The following PNPLA4 variants were observed in gnomAD, a reference collection of about 807,000 sequenced individuals.
The protein encoded by PNPLA4 is patatin-like phospholipase domain-containing protein 4.
PNPLA4 carries 15 observed loss-of-function variants against 18.3 expected under a neutral mutation model. The ratio of observed to expected loss-of-function variants is 0.82; its 90% confidence interval spans 0.55 to 1.26. PNPLA4 has a LOEUF of 1.26. Among genes scored for constraint, PNPLA4 ranks in the 50% most tolerant of loss-of-function variants. The pLI is 0.00. For missense variants in PNPLA4, 229 were observed against 196.8 expected (o/e 1.16, Z -0.98); for synonymous variants, 88 against 85.6 (o/e 1.03, Z -0.16).
intron 4 of PNPLA4, among the ~76,000 whole-genome samples, chrX:7,916,739 T>C (rs761791004): frequency 9.0e-6 from 1 of 110,994 alleles, no homozygotes; most frequent in African/African-American, 3.3e-5. Flanking sequence ...AGCTTGGTGT[T>C]GATCTGCTGG....
intron 2 of PNPLA4, among the ~76,000 whole-genome samples, chrX:7,922,670 C>T (rs765557336): frequency 1.2e-4 from 13 of 112,382 alleles, no homozygotes; most frequent in Non-Finnish European, 2.3e-4. Context: ...CTTCACATCA[C>T]CCTGCAGGGT....
Position 7,919,959 on chromosome X carries a change from G to A in PNPLA4, c.411+1754C>T, listed in dbSNP as rs1924162653. On this transcript the variant is annotated intron_variant, in intron 4 of 6. Coordinates refer to ENST00000381042, the MANE Select transcript of PNPLA4 (RefSeq NM_004650.3). ...TATCCATTCGTTTCACGCATATTAC[G>A]GAGTGCCTACACAATGGCTGGCAGT... is the stretch of plus-strand genomic sequence containing the variant. Among the ~76,000 whole-genome samples, 3 of 111,684 alleles carry A rather than the reference G, an allele frequency of 2.7e-5. No homozygotes were observed. In the Admixed American group the frequency reaches 2.9e-4, roughly 11 times the overall value.
chrX:7,921,817 C>T lies in PNPLA4; in HGVS notation c.307G>A (p.Ala103Thr), dbSNP rs146508989. The change falls in exon 4 of 7, where the codon GCT becomes ACT. Residue 103 changes from alanine to threonine, a missense_variant. Transcript: ENST00000381042. ...SGMESILPPS[A>T]HELAQNRLHV... ...AGTCGGTTCTGGGCCAGCTCGTGAG[C>T]GCTGGGAGGAAGAATCGACTCCATC... is the stretch of plus-strand genomic sequence containing the variant. 3.2e-5 allele frequency: 38 copies of T among 1,205,322 alleles called. No individual in the cohort carries two copies. Among genetic ancestry groups the T allele is most frequent in the Admixed American group, 6.6e-5 (3 of 45,661 alleles).
chrX:7,921,653 T>C (rs762743649), intron 4 of PNPLA4, 60 bp downstream of exon 4: 17 of 1,020,431 alleles, frequency 1.7e-5, no homozygotes, highest in Non-Finnish European at 2.2e-5. Flanking sequence ...CATTACTTTA[T>C]ATGAAGTATT....
intron 5 of PNPLA4, among the ~76,000 whole-genome samples, chrX:7,905,704 G>A (rs747734421): frequency 9.8e-5 from 11 of 112,502 alleles, no homozygotes; most frequent in African/African-American, 3.5e-4. Flanking sequence ...GAAAGGTCAT[G>A]CTTGTATATT....
intron 2 of PNPLA4, among the ~76,000 whole-genome samples, chrX:7,923,164 C>T (rs1270484740): frequency 3.6e-5 from 4 of 112,033 alleles, no homozygotes; most frequent in African/African-American, 1.3e-4. Flanking sequence ...GACTAGGAGA[C>T]CTTCTATGTT....
At chrX:7,904,531 T>C (rs1400083786) in intron 5 of PNPLA4, among the ~76,000 whole-genome samples, 1 of 112,358 alleles carries the variant, frequency 8.9e-6, no homozygotes, top group African/African-American at 3.2e-5. Context: ...ATTTATGCTC[T>C]CACGAGCTGT....
At chrX:7,925,144 G>C (rs1924353017) in intron 2 of PNPLA4, among the ~76,000 whole-genome samples, 1 of 112,369 alleles carries the variant, frequency 8.9e-6, no homozygotes, top group South Asian at 3.7e-4. Flanking sequence ...GCTTCCCTTT[G>C]ATAAGCAGCT....
At chrX:7,912,878 G>GT (rs1279478001) in intron 4 of PNPLA4, among the ~76,000 whole-genome samples, 3 of 111,543 alleles carry the variant, frequency 2.7e-5, no homozygotes, top group Non-Finnish European at 5.7e-5. Flanking sequence ...GATTTCATGA[G>GT]TTTTTTTTCA....
chrX:7,901,044 T>A (rs1173105954), intron 6 of PNPLA4, among the ~76,000 whole-genome samples: 2 of 111,464 alleles, frequency 1.8e-5, no homozygotes, highest in South Asian at 3.8e-4. Context: ...TGTGGGACAG[T>A]CATGTGCACT....
chrX:7,926,340 T>TAAAAC (rs1402265833), intron 1 of PNPLA4, among the ~76,000 whole-genome samples: 1 of 112,220 alleles, frequency 8.9e-6, no homozygotes, highest in Non-Finnish European at 1.9e-5. Flanking sequence ...TCTTATACAT[T>TAAAAC]AAAACAAAAC....
At chrX:7,922,712 A>G (rs564552202) in intron 2 of PNPLA4, among the ~76,000 whole-genome samples, 2 of 112,434 alleles carry the variant, frequency 1.8e-5, no homozygotes, top group African/African-American at 6.5e-5. Context: ...CAGACAAGAA[A>G]ACGGAGGATT....
chrX:7,900,328 G>A lies in PNPLA4; in HGVS notation c.*358C>T. On this transcript the variant is annotated 3_prime_UTR_variant, in exon 7 of 7. Coordinates refer to ENST00000381042, the MANE Select transcript of PNPLA4 (RefSeq NM_004650.3). ...ACAGCTAAGTCACGGAAACACCCAT[G>A]CTTCACGTCAAGATCATGCCACATA... is the stretch of plus-strand genomic sequence containing the variant. 8.2e-6 allele frequency: 1 copy of A among 122,081 alleles called. No homozygotes were observed. The highest frequency in any genetic ancestry group is 1.7e-5 in the Non-Finnish European group (1 of 59,293). The allele number at this position is 122,081 out of a possible 1,213,427, so 10.1% of individuals were successfully genotyped here. A position where few individuals can be genotyped will look rare whatever the true frequency, so the allele number is the denominator to read the frequency against.
rs971177160 is a variant in PNPLA4, at chrX:7,900,489, T to C, written c.*197A>G. ...TCCTTATCACCTAAGTGTATCCTTC[T>C]TAATGACGTTGTCAAATTCTAATAA... On this transcript the variant is annotated 3_prime_UTR_variant, in exon 7 of 7. Coordinates refer to ENST00000381042, the MANE Select transcript of PNPLA4 (RefSeq NM_004650.3). The C allele has an allele frequency of 4.0e-5, 12 of 297,720 alleles. No homozygotes were observed. Among genetic ancestry groups the C allele is most frequent in the Non-Finnish European group, 5.9e-6 (1 of 168,686 alleles). 24.5% of individuals were successfully genotyped at this position (297,720 alleles called of 1,213,427 possible). A position where few individuals can be genotyped will look rare whatever the true frequency, so the allele number is the denominator to read the frequency against.
chrX:7,921,818 G>A lies in PNPLA4; in HGVS notation c.306C>T (p.Ser102=), dbSNP rs370067964. The A allele has an allele frequency of 2.2e-5, 26 of 1,206,975 alleles. No individual in the cohort carries two copies. Among genetic ancestry groups the A allele is most frequent in the Admixed American group, 1.8e-4 (8 of 45,704 alleles). Residue 102 remains serine, a synonymous_variant, in exon 4 of 7, where the codon AGC becomes AGT. Coordinates refer to ENST00000381042, the MANE Select transcript of PNPLA4 (RefSeq NM_004650.3). ...RSGMESILPP[S]AHELAQNRLH... ...GTCGGTTCTGGGCCAGCTCGTGAGC[G>A]CTGGGAGGAAGAATCGACTCCATCC...
At chrX:7,905,561 C>T (rs1306283264) in intron 5 of PNPLA4, among the ~76,000 whole-genome samples, 1 of 112,218 alleles carries the variant, frequency 8.9e-6, no homozygotes, top group Admixed American at 9.5e-5. Context: ...GCTCAAAAAA[C>T]AAGTGAATAA....
rs1924222120 is a variant in PNPLA4 at position 7,921,712 on chromosome X, C to T, written c.411+1G>A. On this transcript the variant is annotated splice_donor_variant, in intron 4 of 6. Transcript: ENST00000381042. LOFTEE classifies it high-confidence loss of function. ...TCAAATAGGAAACATGGCTTTGTTA[C>T]CTTAATGAGGTCCTCCCTGGAGGAA... The T allele has an allele frequency of 8.3e-7, 1 of 1,205,591 alleles. No homozygotes were observed. The highest frequency in any genetic ancestry group is 1.1e-6 in the Non-Finnish European group (1 of 891,732).
chrX:7,926,192 A>G lies in PNPLA4; in HGVS notation c.-13-60T>C. ...GAATAGTTTATCCCACATACTGTGT[A>G]GTCTTATGTTGATCATCGTTCCAAG... On this transcript the variant is annotated intron_variant, in intron 1 of 6. Coordinates refer to ENST00000381042, the MANE Select transcript of PNPLA4 (RefSeq NM_004650.3). 8 of 828,133 alleles carry G rather than the reference A, an allele frequency of 9.7e-6. No individual in the cohort carries two copies. The South Asian group carries it at 2.5e-4, about 25-fold the overall frequency. 68.2% of individuals were successfully genotyped at this position (828,133 alleles called of 1,213,427 possible).
At chrX:7,903,002 G>A (rs1207352786) in intron 5 of PNPLA4, among the ~76,000 whole-genome samples, 2 of 111,804 alleles carry the variant, frequency 1.8e-5, no homozygotes, top group Non-Finnish European at 3.8e-5. Context: ...AATTGTCTAA[G>A]TTTATCTGTT....
Sources: allele counts gnomAD v4.1 joint callset (sites outside exome capture counted in the v4.1 genomes callset), GRCh38; gene constraint gnomAD v4.1.1; transcripts MANE v1.5; gene names NCBI Gene and HGNC (gene_info 2026-07-23, HGNC 2026-07-21).